Variants in SEMA3D observed in about 807,000 individuals in gnomAD.
SEMA3D encodes the protein semaphorin-3D.
SEMA3D carries 84 observed loss-of-function variants against 100.1 expected under a neutral mutation model. The observed-to-expected ratio is 0.84, with a 90% CI of 0.70 to 1.01. The LOEUF (loss-of-function observed/expected upper bound fraction) is 1.01, where lower values mean the gene tolerates loss of function less well. Among genes scored for constraint, SEMA3D ranks in the 50% least tolerant of loss-of-function variants. The probability of loss-of-function intolerance (pLI) is 0.00; values close to 1 mark genes in which losing one functional copy is unlikely to be tolerated. For missense variants in SEMA3D, 875 were observed against 934.1 expected (o/e 0.94, Z 0.82); for synonymous variants, 312 against 320.7 (o/e 0.97, Z 0.29).
At chr7:85,201,042 G>T in the SEMA3D span, among the ~76,000 whole-genome samples, 1 of 152,170 alleles carries the variant, frequency 6.6e-6, no homozygotes, top group Non-Finnish European at 1.5e-5. Context: ...AGAAGTTTGG[G>T]TATGTGGATT....
At chr7:85,127,380 TG>T (rs1354949025) in intron 2 of SEMA3D, among the ~76,000 whole-genome samples, 1 of 152,164 alleles carries the variant, frequency 6.6e-6, no homozygotes, top group Admixed American at 6.6e-5. Context: ...ACATTTTACT[TG>T]GGTTTGCATG....
At chr7:85,129,425 T>G (rs551760991) in intron 2 of SEMA3D, among the ~76,000 whole-genome samples, 1 of 152,156 alleles carries the variant, frequency 6.6e-6, no homozygotes, top group Non-Finnish European at 1.5e-5. Flanking sequence ...TGAAAAAAAT[T>G]AGTTATGTCA....
At chr7:85,170,015 G>A (rs796068689) in intron 1 of SEMA3D, among the ~76,000 whole-genome samples, 12 of 151,766 alleles carry the variant, frequency 7.9e-5, no homozygotes, top group African/African-American at 2.9e-4. Flanking sequence ...GATGGACGGA[G>A]AAGGTGAGAT....
chr7:85,058,118 T>C (rs1166519019), intron 8 of SEMA3D, among the ~76,000 whole-genome samples: 2 of 152,200 alleles, frequency 1.3e-5, no homozygotes, highest in Non-Finnish European at 2.9e-5. Context: ...CCTTATTCTA[T>C]ATTATTTTCC....
chr7:85,023,745 A>G (rs1790317910), intron 12 of SEMA3D, among the ~76,000 whole-genome samples: 1 of 151,944 alleles, frequency 6.6e-6, no homozygotes, highest in Non-Finnish European at 1.5e-5. Context: ...AAGATACTAG[A>G]ACTAGTCCCA....
At chr7:85,187,892 A>G (rs1034940529), upstream of SEMA3D, among the ~76,000 whole-genome samples, 1 of 152,206 alleles carries the variant, frequency 6.6e-6, no homozygotes, top group African/African-American at 2.4e-5. Flanking sequence ...AGGCATTTTT[A>G]GCTGCATGGT....
intron 14 of SEMA3D, 103 bp from the exon 15 acceptor site, chr7:85,018,396 C>G: frequency 1.4e-6 from 1 of 733,516 alleles, no homozygotes; most frequent in Non-Finnish European, 2.4e-6. Context: ...AAGTAAACAT[C>G]AAGTCTCTGT....
At chr7:85,175,033 G>A (rs1020771888) in intron 1 of SEMA3D, among the ~76,000 whole-genome samples, 6 of 152,122 alleles carry the variant, frequency 3.9e-5, no homozygotes, top group Admixed American at 6.6e-5. Context: ...CTTCATGTAC[G>A]ATTATTGAAT....
intron 9 of SEMA3D, among the ~76,000 whole-genome samples, chr7:85,053,244 C>A (rs559873056): frequency 6.6e-6 from 1 of 151,928 alleles, no homozygotes; most frequent in East Asian, 1.9e-4. Context: ...GTGAAGCATA[C>A]ACAGTTTACT....
chr7:85,155,338 T>C (rs1583974397), intron 1 of SEMA3D, among the ~76,000 whole-genome samples: 1 of 152,174 alleles, frequency 6.6e-6, no homozygotes, highest in African/African-American at 2.4e-5. Flanking sequence ...TAAATAGATG[T>C]CTTACTGTGC....
intron 3 of SEMA3D, among the ~76,000 whole-genome samples, chr7:85,108,121 T>C (rs1226606324): frequency 6.6e-6 from 1 of 152,140 alleles, no homozygotes; most frequent in Non-Finnish European, 1.5e-5. Flanking sequence ...TTATTTATAC[T>C]ATGGCACTGG....
At chr7:85,160,296 T>TGAAA (rs1331077728) in intron 1 of SEMA3D, among the ~76,000 whole-genome samples, 1 of 151,368 alleles carries the variant, frequency 6.6e-6, no homozygotes, top group Admixed American at 6.6e-5. Context: ...CAACCCAGCA[T>TGAAA]GAAAGTATAG....
intron 12 of SEMA3D, chr7:85,028,143 G>C: frequency 1.6e-6 from 1 of 636,624 alleles, no homozygotes; most frequent in South Asian, 1.5e-5. Context: ...GGTCCAAGTA[G>C]AGTATGAGAG....
At chr7:85,168,078 G>C (rs762903811) in intron 1 of SEMA3D, among the ~76,000 whole-genome samples, 4 of 151,782 alleles carry the variant, frequency 2.6e-5, no homozygotes, top group Admixed American at 6.6e-5. Flanking sequence ...TGAAAAGTTT[G>C]ACAGAATTTT....
At position 85,079,897 on chromosome 7, in the gene SEMA3D, T is replaced by G. The variant is rs1338407358; in HGVS notation, c.375+1620A>C. On this transcript the variant is annotated intron_variant, in intron 5 of 18. Coordinates refer to ENST00000284136, the MANE Select transcript of SEMA3D (RefSeq NM_001384900.1). ...CTGTGAGTGTTCAGTAAAGTATCGG[T>G]GCTTTTGCAGACCTTGGTACCTGTT... Among the ~76,000 whole-genome samples the G allele has an allele frequency of 2.6e-5, 4 of 152,204 alleles. No homozygotes were observed. The East Asian group carries it at 7.7e-4, about 29-fold the overall frequency.
At chr7:85,075,212 C>T (rs1791888973) in intron 5 of SEMA3D, among the ~76,000 whole-genome samples, 1 of 151,982 alleles carries the variant, frequency 6.6e-6, no homozygotes, top group Admixed American at 6.6e-5. Flanking sequence ...AATTAGTTCA[C>T]CATTTTTTCA....
At chr7:85,177,583 TA>T (rs1396516857) in intron 1 of SEMA3D, among the ~76,000 whole-genome samples, 4 of 152,192 alleles carry the variant, frequency 2.6e-5, no homozygotes, top group Non-Finnish European at 5.9e-5. Context: ...AAAATGCACA[TA>T]TTTTTTAAGT....
chr7:85,215,960 G>A, the SEMA3D span, among the ~76,000 whole-genome samples: 1 of 152,070 alleles, frequency 6.6e-6, no homozygotes, highest in Non-Finnish European at 1.5e-5. Context: ...GCACTTTTAA[G>A]GTTCTTTTTC....
At chr7:85,212,583 G>A in the SEMA3D span, among the ~76,000 whole-genome samples, 1 of 151,982 alleles carries the variant, frequency 6.6e-6, no homozygotes, top group African/African-American at 2.4e-5. Flanking sequence ...GCACCTGTGT[G>A]TGTGTTGCGT....
Sources: gnomAD v4.1 joint callset for allele counts (sites outside exome capture counted in the v4.1 genomes callset) on GRCh38, gnomAD v4.1.1 for gene constraint, MANE v1.5 for transcripts, NCBI Gene and HGNC (gene_info 2026-07-23, HGNC 2026-07-21) for gene names.